Variants in BNIP5 observed in about 807,000 individuals in gnomAD.
BNIP5 encodes BCL2 interacting protein 5.
BNIP5 carries 61 observed loss-of-function variants against 67.3 expected under a neutral mutation model. The ratio of observed to expected loss-of-function variants is 0.91; its 90% CI spans 0.74 to 1.12. BNIP5 has a LOEUF of 1.12. Among genes scored for constraint, BNIP5 ranks in the 50% most tolerant of loss-of-function variants. The pLI is 0.00. For missense variants in BNIP5, 826 were observed against 816.3 expected (o/e 1.01, Z -0.14); for synonymous variants, 317 against 319.0 (o/e 0.99, Z 0.07).
chr6:36,327,336 G>A (rs2127367831), intron 3 of BNIP5, among the ~76,000 whole-genome samples: 1 of 152,310 alleles, frequency 6.6e-6, no homozygotes, highest in African/African-American at 2.4e-5. Context: ...TTCAACCTGT[G>A]CCCCACTATT....
At position 36,323,416 on chromosome 6, in the gene BNIP5, A is replaced by AG; in HGVS notation, c.1347dup (p.Ser450LeufsTer42). The AG allele has an allele frequency of 6.2e-7, 1 of 1,614,164 alleles. No homozygotes were observed. The highest frequency in any genetic ancestry group is 8.5e-7 in the Non-Finnish European group (1 of 1,180,018). ...GCCCCCGCTCTTCTGGGTTCCTTGG[A>AG]GGTGTGTTTCTTATGGTAAAACGCT... On this transcript the variant is annotated frameshift_variant, in exon 8 of 12. Transcript: ENST00000437635. LOFTEE classifies it high-confidence loss of function.
intron 1 of BNIP5, among the ~76,000 whole-genome samples, chr6:36,335,976 C>G (rs986987934): frequency 3.9e-5 from 6 of 152,150 alleles, no homozygotes; most frequent in Non-Finnish European, 7.4e-5. Context: ...CCTACCATGA[C>G]CTATGCACAT....
chr6:36,330,472 A>G lies in BNIP5; in HGVS notation c.219T>C (p.Ala73=), dbSNP rs746463166. 1 of 1,614,166 alleles carries G rather than the reference A, an allele frequency of 6.2e-7. No individual in the cohort carries two copies. The highest frequency in any genetic ancestry group is 1.1e-5 in the South Asian group (1 of 91,080). ...CGGTCTCCTCGGGAGTGGGGGCTGC[A>G]GCGGTGGTGCAGTGAGCCTCTGCAG... ...APSAEAHCTT[A]AAPTPEETGD... Residue 73 remains alanine (A), a synonymous_variant, in exon 2 of 12, where the codon GCT becomes GCC. Coordinates refer to ENST00000437635, the MANE Select transcript of BNIP5 (RefSeq NM_001010903.5).
chr6:36,319,884 C>T (rs1052347164), intron 10 of BNIP5, among the ~76,000 whole-genome samples: 2 of 152,172 alleles, frequency 1.3e-5, no homozygotes, highest in African/African-American at 4.8e-5. Flanking sequence ...TTCTCGTCTA[C>T]CCTAGCCATT....
intron 3 of BNIP5, 94 bp downstream of exon 3, chr6:36,328,504 T>A: frequency 2.5e-6 from 2 of 791,670 alleles, no homozygotes; most frequent in Non-Finnish European, 4.5e-6. Context: ...AGAACCACCA[T>A]CCAAGGTCTC....
chr6:36,335,477 G>A (rs1362390028), intron 1 of BNIP5, among the ~76,000 whole-genome samples: 5 of 152,150 alleles, frequency 3.3e-5, no homozygotes, highest in East Asian at 3.9e-4. Flanking sequence ...GACTCAAGAC[G>A]CCCTGTATTT....
chr6:36,322,316 T>C lies in BNIP5; in HGVS notation c.1598A>G (p.Glu533Gly). The change falls in exon 9 of 12, where the codon GAA (glutamate) becomes GGA (glycine). Residue 533 changes from glutamate to glycine, a missense_variant. Transcript: ENST00000437635. ...EGAPQLSGAC[E>G]SKEIIIQKLV... Reference sequence around the variant, plus strand: ...AGAGCAGGGGTGTTACTGACTAGATTCACATGCTCCACTCAGCTGAGGTGC... The same window carrying C: ...AGAGCAGGGGTGTTACTGACTAGATCCACATGCTCCACTCAGCTGAGGTGC... 6.2e-7 allele frequency: 1 copy of C among 1,614,098 alleles called. No individual in the cohort carries two copies. The highest frequency in any genetic ancestry group is 8.5e-7 in the Non-Finnish European group (1 of 1,179,980).
At chr6:36,329,367 G>A (rs936483795) in intron 2 of BNIP5, among the ~76,000 whole-genome samples, 3 of 152,210 alleles carry the variant, frequency 2.0e-5, no homozygotes, top group Non-Finnish European at 4.4e-5. Context: ...CCATGAGACA[G>A]TAACGTTATA....
rs139684626 is a variant in BNIP5 at position 36,325,290 on chromosome 6, C to T, written c.1161G>A (p.Ser387=). The change falls in exon 6 of 12, where the codon TCG becomes TCA. Residue 387 remains serine, a synonymous_variant. Coordinates refer to ENST00000437635, the MANE Select transcript of BNIP5 (RefSeq NM_001010903.5). ...AAAGAGAGGAGTACTGACTGTATTCCGAGGCTCTGTCCAGCGGAAGCTCCT... is the reference window on the plus strand; with the variant it reads ...AAAGAGAGGAGTACTGACTGTATTCTGAGGCTCTGTCCAGCGGAAGCTCCT... ...PGEELPLDRA[S]EYKEFIQKII... 47 of 1,614,088 alleles carry T rather than the reference C, an allele frequency of 2.9e-5. No homozygotes were observed. The African/African-American group carries it at 3.5e-4, about 12-fold the overall frequency.
rs775326705 is a variant in BNIP5 at position 36,328,860 on chromosome 6, CA to C, written c.611-147del. ...TGCTGCAGCCCGCTCTAGGCTTAAC[CA>C]AAAAATCAGAAACCCACTAAGATTT... On this transcript the variant is annotated intron_variant, in intron 2 of 11. Transcript: ENST00000437635. 6.7e-4 allele frequency: 421 copies of C among 629,728 alleles called. 2 individuals carry two copies. In the Middle Eastern group the frequency reaches 7.3e-3, roughly 11 times the overall value. The allele number at this position is 629,728 out of a possible 1,614,324, so 39.0% of individuals were successfully genotyped here.
At position 36,316,340 on chromosome 6, in the gene BNIP5, C is replaced by T. The variant is rs1771514287; in HGVS notation, c.*1016G>A. ...CATGTGGCAAATTTCACACCTGAGTCAAGCTATTGAAACTGTTGAGCTATA... is the reference window on the plus strand; with the variant it reads ...CATGTGGCAAATTTCACACCTGAGTTAAGCTATTGAAACTGTTGAGCTATA... On this transcript the variant is annotated 3_prime_UTR_variant, in exon 12 of 12. Coordinates refer to ENST00000437635, the MANE Select transcript of BNIP5 (RefSeq NM_001010903.5). The T allele has an allele frequency of 2.5e-6, 1 of 396,840 alleles. No individual in the cohort carries two copies. The highest frequency in any genetic ancestry group is 4.4e-5 in the Admixed American group (1 of 22,704). The allele number at this position is 396,840 out of a possible 1,614,324, so 24.6% of individuals were successfully genotyped here. A position where few individuals can be genotyped will look rare whatever the true frequency, so the allele number is the denominator to read the frequency against.
rs1771874429 is a variant in BNIP5, at chr6:36,330,530, T to C, written c.161A>G (p.Asp54Gly). Residue 54 changes from aspartate to glycine, a missense_variant, in exon 2 of 12, where the codon GAT (aspartate) becomes GGT (glycine). By Grantham distance (94) the Asp-to-Gly change is moderately conservative (BLOSUM62 -1). Transcript: ENST00000437635. Reference sequence around the variant, plus strand: ...TGGGCTGTCTGAATGTCTGGCCCAATCACTGGTCGTCCAGTGAAGCGCCTT... The same window carrying C: ...TGGGCTGTCTGAATGTCTGGCCCAACCACTGGTCGTCCAGTGAAGCGCCTT... ...SRKALHWTTS[D>G]WARHSDSPAP... The C allele has an allele frequency of 6.2e-7, 1 of 1,613,910 alleles. No homozygotes were observed. The highest frequency in any genetic ancestry group is 1.7e-5 in the Admixed American group (1 of 60,006).
intron 10 of BNIP5, among the ~76,000 whole-genome samples, chr6:36,320,749 G>A (rs1054259761): frequency 6.6e-6 from 1 of 152,196 alleles, no homozygotes; most frequent in African/African-American, 2.4e-5. Context: ...TGAAGAGCAC[G>A]GCAAGACCGA....
chr6:36,326,859 G>T, intron 4 of BNIP5, 106 bp from the exon 5 acceptor site: 1 of 1,534,708 alleles, frequency 6.5e-7, no homozygotes, highest in Non-Finnish European at 9.0e-7. Flanking sequence ...CCCCGAGAGA[G>T]GGGAGGCAGC....
Position 36,319,603 on chromosome 6 carries a change from C to A in BNIP5, c.1676G>T (p.Arg559Leu). ...AAAAAACCTCTTAAAGCTGGGGTGGCGCCTGATCTGGAAGTGGAAATGAAA... is the reference window on the plus strand; with the variant it reads ...AAAAAACCTCTTAAAGCTGGGGTGGAGCCTGATCTGGAAGTGGAAATGAAA... ...VDGQLGQQIR[R>L]HPSFKRFFYE... The change falls in exon 11 of 12, where the codon CGC becomes CTC. Residue 559 changes from arginine (R) to leucine (L), a missense_variant. By Grantham distance (102) the Arg-to-Leu change is moderately radical (BLOSUM62 -2). Coordinates refer to ENST00000437635, the MANE Select transcript of BNIP5 (RefSeq NM_001010903.5). 1 of 1,609,840 alleles carries A rather than the reference C, an allele frequency of 6.2e-7. No homozygotes were observed. The highest frequency in any genetic ancestry group is 8.5e-7 in the Non-Finnish European group (1 of 1,176,600).
intron 2 of BNIP5, among the ~76,000 whole-genome samples, chr6:36,328,941 C>T (rs947502095): frequency 2.0e-5 from 3 of 151,970 alleles, no homozygotes; most frequent in African/African-American, 4.8e-5. Context: ...ACCCCCTCCC[C>T]GCAAATCCTC....
chr6:36,322,350 G>T lies in BNIP5; in HGVS notation c.1564C>A (p.Pro522Thr). The change falls in exon 9 of 12, where the codon CCA becomes ACA. Residue 522 changes from proline (P) to threonine (T), a missense_variant. Transcript: ENST00000437635. ...EAPSQARGHT[P>T]EGAPQLSGAC... ...CCACTCAGCTGAGGTGCCCCTTCTGGCGTGTGGCCTCTAGCCTGGGAGGGT... is the reference window on the plus strand; with the variant it reads ...CCACTCAGCTGAGGTGCCCCTTCTGTCGTGTGGCCTCTAGCCTGGGAGGGT... 10 of 1,614,194 alleles carry T rather than the reference G, an allele frequency of 6.2e-6. No homozygotes were observed. Among genetic ancestry groups the T allele is most frequent in the Non-Finnish European group, 8.5e-6 (10 of 1,180,026 alleles).
chr6:36,330,544 G>T lies in BNIP5; in HGVS notation c.147C>A (p.His49Gln). The T allele has an allele frequency of 6.2e-7, 1 of 1,614,022 alleles. No homozygotes were observed. Among genetic ancestry groups the T allele is most frequent in the Non-Finnish European group, 8.5e-7 (1 of 1,180,030 alleles). ...GTCTGGCCCAATCACTGGTCGTCCA[G>T]TGAAGCGCCTTCCTGGAGGGGGCAG... is the stretch of plus-strand genomic sequence containing the variant. ...LPTAPSRKAL[H>Q]WTTSDWARHS... The change falls in exon 2 of 12, where the codon CAC becomes CAA. Residue 49 changes from histidine to glutamine, a missense_variant. Transcript: ENST00000437635.
In BNIP5 at chr6:36,322,306, C is replaced by G. The variant is rs1234949443; in HGVS notation, c.1603+5G>C. On this transcript the variant is annotated splice_donor_5th_base_variant and intron_variant, in intron 9 of 11. Coordinates refer to ENST00000437635, the MANE Select transcript of BNIP5 (RefSeq NM_001010903.5). ...TGTCCAGGTAAGAGCAGGGGTGTTA[C>G]TGACTAGATTCACATGCTCCACTCA... 3 of 1,614,074 alleles carry G rather than the reference C, an allele frequency of 1.9e-6. No individual in the cohort carries two copies. The highest frequency in any genetic ancestry group is 1.7e-6 in the Non-Finnish European group (2 of 1,179,968).
Sources: allele counts gnomAD v4.1 joint callset (sites outside exome capture counted in the v4.1 genomes callset), GRCh38; gene constraint gnomAD v4.1.1; transcripts MANE v1.5; gene names NCBI Gene and HGNC (gene_info 2026-07-23, HGNC 2026-07-21).